CPSF2: variants seen among roughly 807,000 people sequenced by gnomAD.
CPSF2 encodes cleavage and polyadenylation specific factor 2, also known as cleavage and polyadenylation specificity factor subunit 2.
In CPSF2, 51 loss-of-function variants were observed where a neutral mutation model predicts 84.2. That is an observed-to-expected ratio of 0.61 (90% CI 0.48 to 0.77). The LOEUF (loss-of-function observed/expected upper bound fraction) is 0.77, where lower values mean the gene tolerates loss of function less well. Among genes scored for constraint, CPSF2 ranks in the 30% least tolerant of loss-of-function variants. CPSF2 has a pLI of 0.00. For missense variants in CPSF2, 641 were observed against 929.4 expected, an observed-to-expected ratio of 0.69 and a Z score of 4.03; for synonymous variants, 286 against 311.9, an observed-to-expected ratio of 0.92 and a Z score of 0.87.
At chr14:92,150,150 C>T (rs561225192) in intron 9 of CPSF2, among the ~76,000 whole-genome samples, 52 of 148,602 alleles carry the variant, frequency 3.5e-4, no homozygotes, top group Admixed American at 2.2e-3. Context: ...GTGTTTGAGA[C>T]GGAGCCTTGC....
intron 13 of CPSF2, among the ~76,000 whole-genome samples, chr14:92,158,159 T>G (rs994250269): frequency 5.2e-4 from 79 of 152,112 alleles, no homozygotes; most frequent in African/African-American, 1.2e-3. Context: ...AAGTGATAAC[T>G]AATCCTAACT....
At position 92,168,784 on chromosome 14, in the gene CPSF2, A is replaced by G. The variant is rs1169037055; in HGVS notation, c.*7040A>G. On this transcript the variant is annotated 3_prime_UTR_variant, in exon 16 of 16. Coordinates refer to ENST00000298875, the MANE Select transcript of CPSF2 (RefSeq NM_017437.3). ...GGGCATGGTGGCTGTAGTCCCAGCT[A>G]TTTGGGAGGCTGAGGTGGGAGGATC... 2 of 152,142 alleles carry G rather than the reference A, an allele frequency of 1.3e-5. No homozygotes were observed. Among genetic ancestry groups the G allele is most frequent in the Admixed American group, 6.6e-5 (1 of 15,260 alleles). 9.4% of individuals were successfully genotyped at this position (152,142 alleles called of 1,614,324 possible).
rs2069476303 is a variant in CPSF2, at chr14:92,168,241, C to CT, written c.*6498dup. 1.2e-5 allele frequency: 1 copy of CT among 86,586 alleles called. No homozygotes were observed. The highest frequency in any genetic ancestry group is 4.7e-5 in the African/African-American group (1 of 21,310). The allele number at this position is 86,586 out of a possible 1,614,324, so 5.4% of individuals were successfully genotyped here. A position where few individuals can be genotyped will look rare whatever the true frequency, so the allele number is the denominator to read the frequency against. On this transcript the variant is annotated 3_prime_UTR_variant, in exon 16 of 16. Transcript: ENST00000298875. Reference sequence around the variant, plus strand: ...CCATCTTGGGCGACAGAGCGCAACTCTGTCTCCAAAAAAAAAAAAAAAAAA... The same window carrying CT: ...CCATCTTGGGCGACAGAGCGCAACTCTTGTCTCCAAAAAAAAAAAAAAAAAA...
intron 9 of CPSF2, 98 bp downstream of exon 9, chr14:92,143,392 T>G (rs1446234652): frequency 1.3e-5 from 11 of 855,442 alleles, no homozygotes; most frequent in Non-Finnish European, 1.9e-5. Flanking sequence ...TTGAAATTGT[T>G]TTAGGATTTT....
chr14:92,160,250 A>C (rs12881407), intron 14 of CPSF2, among the ~76,000 whole-genome samples: 30,421 of 152,224 alleles, frequency 0.2, 3,412 homozygotes, highest in East Asian at 0.53. Flanking sequence ...GGCGTGAGCC[A>C]ATGCACCCAG....
chr14:92,168,552 C>T lies in CPSF2; in HGVS notation c.*6808C>T, dbSNP rs1011608566. On this transcript the variant is annotated 3_prime_UTR_variant, in exon 16 of 16. Coordinates refer to ENST00000298875, the MANE Select transcript of CPSF2 (RefSeq NM_017437.3). ...CATTATTCACTCCATTTCATTTTAG[C>T]TCTTGAAGTCAAAATGGGATTCCAA... 2.0e-5 allele frequency: 3 copies of T among 152,084 alleles called. No individual in the cohort carries two copies. The highest frequency in any genetic ancestry group is 7.2e-5 in the African/African-American group (3 of 41,392). 9.4% of individuals were successfully genotyped at this position (152,084 alleles called of 1,614,324 possible). A position where few individuals can be genotyped will look rare whatever the true frequency, so the allele number is the denominator to read the frequency against.
intron 2 of CPSF2, among the ~76,000 whole-genome samples, chr14:92,126,748 G>A (rs557787903): frequency 6.6e-6 from 1 of 152,290 alleles, no homozygotes; most frequent in East Asian, 1.9e-4. Context: ...AGCTGCAAAT[G>A]AGCCATGATT....
rs2069413056 is a variant in CPSF2, at chr14:92,164,076, C to T, written c.*2332C>T. Reference sequence around the variant, plus strand: ...GGGAATTTTCCCCCTTTGCTTGGCACTTCTTCCTGCTGCCATGTGAAGAAG... The same window carrying T: ...GGGAATTTTCCCCCTTTGCTTGGCATTTCTTCCTGCTGCCATGTGAAGAAG... On this transcript the variant is annotated 3_prime_UTR_variant, in exon 16 of 16. Transcript: ENST00000298875. 6.5e-6 allele frequency: 1 copy of T among 153,294 alleles called. No individual in the cohort carries two copies. The highest frequency in any genetic ancestry group is 2.1e-4 in the South Asian group (1 of 4,856). 9.5% of individuals were successfully genotyped at this position (153,294 alleles called of 1,614,324 possible).
chr14:92,141,500 T>C (rs1429568447), intron 7 of CPSF2, among the ~76,000 whole-genome samples: 4 of 152,096 alleles, frequency 2.6e-5, no homozygotes, highest in African/African-American at 9.7e-5. Context: ...GGCTAATTTG[T>C]TTATTTTTAT....
At chr14:92,160,436 A>G (rs57439026) in intron 14 of CPSF2, among the ~76,000 whole-genome samples, 1,859 of 152,370 alleles carry the variant, frequency 0.012, 40 homozygotes, top group African/African-American at 0.042. Flanking sequence ...TATTAAAACT[A>G]TGAATCCTAC....
chr14:92,140,622 CG>C (rs1247359151), intron 7 of CPSF2, among the ~76,000 whole-genome samples: 1 of 151,458 alleles, frequency 6.6e-6, no homozygotes, highest in South Asian at 2.1e-4. Flanking sequence ...TTAGTAGAGA[CG>C]GGGTTTCACC....
Position 92,171,996 on chromosome 14 carries a change from C to A in CPSF2, c.*10252C>A, listed in dbSNP as rs1314571840. On this transcript the variant is annotated 3_prime_UTR_variant, in exon 16 of 16. Transcript: ENST00000298875. ...ACTGCTGTGAGGACCAAGTTTCCTC[C>A]CTTTCCTCGATCCATGACAGCACCT... 1 of 152,174 alleles carries A rather than the reference C, an allele frequency of 6.6e-6. No homozygotes were observed. Among genetic ancestry groups the A allele is most frequent in the Middle Eastern group, 3.2e-3 (1 of 316 alleles). The allele number at this position is 152,174 out of a possible 1,614,324, so 9.4% of individuals were successfully genotyped here.
intron 7 of CPSF2, among the ~76,000 whole-genome samples, chr14:92,140,387 G>C (rs1026265416): frequency 6.6e-6 from 1 of 151,478 alleles, no homozygotes; most frequent in Non-Finnish European, 1.5e-5. Context: ...ATGGCTTGAA[G>C]CCAGCAGTTC....
At chr14:92,129,630 G>T (rs1376969528) in intron 2 of CPSF2, among the ~76,000 whole-genome samples, 1 of 152,156 alleles carries the variant, frequency 6.6e-6, no homozygotes, top group African/African-American at 2.4e-5. Flanking sequence ...CTGTGGAGTT[G>T]AACTTTGCTA....
chr14:92,124,737 G>C (rs188179333), intron 1 of CPSF2, among the ~76,000 whole-genome samples: 5 of 152,156 alleles, frequency 3.3e-5, no homozygotes, highest in Admixed American at 2.6e-4. Flanking sequence ...AATACACAGT[G>C]GATTTTGAAG....
intron 11 of CPSF2, 114 bp from the exon 12 acceptor site, chr14:92,156,365 T>C (rs1186600549): frequency 1.4e-6 from 1 of 725,370 alleles, no homozygotes; most frequent in Non-Finnish European, 2.2e-6. Context: ...ATGAAATGTA[T>C]ATTTAAATCT....
chr14:92,131,598 G>C (rs955093123), intron 3 of CPSF2, among the ~76,000 whole-genome samples: 1 of 152,124 alleles, frequency 6.6e-6, no homozygotes, highest in Non-Finnish European at 1.5e-5. Flanking sequence ...CAGTACTTTA[G>C]GAGGCTGAGG....
chr14:92,157,188 A>T lies in CPSF2; in HGVS notation c.1596-471A>T, dbSNP rs2141480585. On this transcript the variant is annotated intron_variant, in intron 12 of 15. Coordinates refer to ENST00000298875, the MANE Select transcript of CPSF2 (RefSeq NM_017437.3). The surrounding 1 kb of genome is among the most constrained non-coding windows in gnomAD (Gnocchi z 4.0). ...TGTCCAGTAATATCATTTAGTATAT[A>T]TTTTTGGGTGTAGATAAAATCTAAA... Among the ~76,000 whole-genome samples the T allele has an allele frequency of 6.6e-6, 1 of 152,254 alleles. No homozygotes were observed. Among genetic ancestry groups the T allele is most frequent in the South Asian group, 2.1e-4 (1 of 4,828 alleles).
intron 11 of CPSF2, among the ~76,000 whole-genome samples, chr14:92,156,244 C>T (rs1026699574): frequency 2.6e-5 from 4 of 151,956 alleles, no homozygotes; most frequent in African/African-American, 9.7e-5. Context: ...GCCGAGATGG[C>T]GCCACCACAC....
Sources: gnomAD v4.1 joint callset for allele counts (sites outside exome capture counted in the v4.1 genomes callset) on GRCh38, gnomAD v4.1.1 for gene constraint, Gnocchi (gnomAD v3.1) non-coding constraint, MANE v1.5 for transcripts, NCBI Gene and HGNC (gene_info 2026-07-23, HGNC 2026-07-21) for gene names.